IRAK2: variants seen among roughly 807,000 people sequenced by gnomAD.
IRAK2 encodes the protein interleukin 1 receptor associated kinase 2, also known as interleukin-1 receptor-associated kinase-like 2.
IRAK2 carries 57 observed loss-of-function variants against 72.0 expected under a neutral mutation model. The observed-to-expected ratio is 0.79, with a 90% CI of 0.64 to 0.99. The LOEUF (loss-of-function observed/expected upper bound fraction) is 0.99. Ranked by LOEUF, IRAK2 falls within the 50% of genes least tolerant of loss-of-function variation. The pLI is 0.00. For missense variants in IRAK2, 790 were observed against 794.4 expected (o/e 0.99, Z 0.07); for synonymous variants, 293 against 312.7 (o/e 0.94, Z 0.67).
At chr3:10,169,665 C>A (rs1300542678) in intron 1 of IRAK2, among the ~76,000 whole-genome samples, 1 of 152,146 alleles carries the variant, frequency 6.6e-6, no homozygotes, top group Non-Finnish European at 1.5e-5. Flanking sequence ...GCCCTGATTT[C>A]ATATTGTTTA....
chr3:10,230,959 GCCAGGC>G (rs1697851913), intron 10 of IRAK2, among the ~76,000 whole-genome samples: 1 of 151,712 alleles, frequency 6.6e-6, no homozygotes, highest in South Asian at 2.1e-4. Context: ...CACCATGTTG[GCCAGGC>G]TGGTCTTGAA....
At chr3:10,177,720 G>A in intron 1 of IRAK2, 118 bp from the exon 2 acceptor site, 1 of 951,856 alleles carries the variant, frequency 1.1e-6, no homozygotes, top group Non-Finnish European at 1.6e-6. Flanking sequence ...TGTTTCCAGT[G>A]TGGAGGCGGT....
At chr3:10,187,354 G>A (rs1697091974) in intron 2 of IRAK2, among the ~76,000 whole-genome samples, 1 of 152,190 alleles carries the variant, frequency 6.6e-6, no homozygotes, top group Non-Finnish European at 1.5e-5. Context: ...TGACCTCTGA[G>A]CCTCCAGGAA....
Position 10,209,622 on chromosome 3 carries a change from T to C in IRAK2, c.458T>C (p.Phe153Ser). 1 of 1,568,758 alleles carries C rather than the reference T, an allele frequency of 6.4e-7. No homozygotes were observed. The highest frequency in any genetic ancestry group is 8.6e-7 in the Non-Finnish European group (1 of 1,159,688). ...SSPARAHQPA[F>S]LQPPEEDAPH... ...CCAGCCAGAGCCCACCAGCCGGCCT[T>C]TCTCCAGCCTCCTGAAGAAGATGCC... is the stretch of plus-strand genomic sequence containing the variant. The change falls in exon 4 of 13, where the codon TTT becomes TCT. Residue 153 changes from phenylalanine (F) to serine (S), a missense_variant. Transcript: ENST00000256458.
intron 2 of IRAK2, among the ~76,000 whole-genome samples, chr3:10,191,361 G>A (rs1011701425): frequency 6.6e-6 from 1 of 152,086 alleles, no homozygotes; most frequent in South Asian, 2.1e-4. Flanking sequence ...GGAGGCAGGA[G>A]TATGAGACAG....
At chr3:10,202,965 C>T (rs149858020) in intron 3 of IRAK2, among the ~76,000 whole-genome samples, 6,998 of 151,968 alleles carry the variant, frequency 0.046, 357 homozygotes, top group African/African-American at 0.13. Context: ...GTTGGGATTA[C>T]AGGCATGAGC....
intron 1 of IRAK2, among the ~76,000 whole-genome samples, chr3:10,174,616 C>T (rs958896344): frequency 2.0e-5 from 3 of 152,170 alleles, no homozygotes; most frequent in African/African-American, 7.2e-5. Flanking sequence ...CCTCTGCCTC[C>T]CGGGTTCAAG....
At chr3:10,199,151 G>A (rs535318638) in intron 2 of IRAK2, among the ~76,000 whole-genome samples, 161 of 152,216 alleles carry the variant, frequency 1.1e-3, no homozygotes, top group African/African-American at 3.4e-3. Flanking sequence ...TGGCGGCAGG[G>A]CCCAGCCAGA....
chr3:10,171,914 C>T (rs1158102442), intron 1 of IRAK2, among the ~76,000 whole-genome samples: 2 of 151,694 alleles, frequency 1.3e-5, no homozygotes, highest in East Asian at 2.0e-4. Context: ...TACAGGCGCC[C>T]GCCACCACAC....
chr3:10,222,921 C>A, intron 9 of IRAK2, 90 bp downstream of exon 9: 1 of 1,187,466 alleles, frequency 8.4e-7, no homozygotes, highest in Non-Finnish European at 1.2e-6. Flanking sequence ...GGTAGAGGCA[C>A]ACAGACAGGT....
chr3:10,234,609 G>A lies in IRAK2; in HGVS notation c.1423G>A (p.Ala475Thr). The A allele has an allele frequency of 1.2e-6, 2 of 1,613,326 alleles. No homozygotes were observed. The highest frequency in any genetic ancestry group is 1.7e-6 in the Non-Finnish European group (2 of 1,179,904). ...TCCGGAGGACTGCGCCGAGGCCCTG[G>A]CCACGGCTGCCTGCCTGTGCCTGCG... Reference protein sequence around the residue: ...RLPEDCAEALATAACLCLRRR... With the variant: ...RLPEDCAEALTTAACLCLRRR... Residue 475 changes from alanine to threonine, a missense_variant, in exon 11 of 13, where the codon GCC becomes ACC. Transcript: ENST00000256458.
At chr3:10,225,417 T>C (rs900540969) in intron 9 of IRAK2, among the ~76,000 whole-genome samples, 5 of 152,208 alleles carry the variant, frequency 3.3e-5, no homozygotes, top group African/African-American at 1.2e-4. Flanking sequence ...TTAGCCATCA[T>C]AGCATTGTCT....
chr3:10,196,882 C>T (rs1201478673), intron 2 of IRAK2, among the ~76,000 whole-genome samples: 1 of 152,170 alleles, frequency 6.6e-6, no homozygotes, highest in Non-Finnish European at 1.5e-5. Flanking sequence ...AGGGCTGATT[C>T]ATCGTCTGCT....
At chr3:10,204,865 C>A (rs1476687808) in intron 3 of IRAK2, among the ~76,000 whole-genome samples, 2 of 152,062 alleles carry the variant, frequency 1.3e-5, no homozygotes, top group Non-Finnish European at 2.9e-5. Flanking sequence ...TTGATCTGAC[C>A]TCTGATTAGC....
chr3:10,237,795 G>C (rs764508318), intron 11 of IRAK2, among the ~76,000 whole-genome samples: 35 of 132,210 alleles, frequency 2.6e-4, no homozygotes, highest in Non-Finnish European at 3.7e-4. Flanking sequence ...GAAAGAGCGA[G>C]ACTCTGTCTC....
chr3:10,199,639 C>T (rs758365404), intron 2 of IRAK2, among the ~76,000 whole-genome samples: 4 of 152,166 alleles, frequency 2.6e-5, no homozygotes, highest in African/African-American at 7.2e-5. Context: ...GACCCGCTCA[C>T]GTGTTCAGGG....
Position 10,222,664 on chromosome 3 carries a change from AC to A in IRAK2, c.1047del (p.Lys350AsnfsTer20). The A allele has an allele frequency of 6.2e-7, 1 of 1,613,626 alleles. No homozygotes were observed. The highest frequency in any genetic ancestry group is 8.5e-7 in the Non-Finnish European group (1 of 1,179,906). Reference protein sequence around the residue: ...SSNVLLDQNLTPKLAHPMAHL... With the variant: ...SSNVLLDQNLXPKLAHPMAHL... ...TAATGTCTTGCTGGACCAAAATCTC[AC>A]CCCCAAACTTGCTCACCCAATGGCT... On this transcript the variant is annotated frameshift_variant, in exon 9 of 13. Coordinates refer to ENST00000256458, the MANE Select transcript of IRAK2 (RefSeq NM_001570.4). LOFTEE classifies it high-confidence loss of function.
chr3:10,242,214 C>T lies in IRAK2; in HGVS notation c.1864C>T (p.Leu622Phe). The change falls in exon 13 of 13, where the codon CTC becomes TTC. Residue 622 changes from leucine to phenylalanine, a missense_variant. Physicochemically the swap from Leu to Phe is conservative, Grantham distance 22. Coordinates refer to ENST00000256458, the MANE Select transcript of IRAK2 (RefSeq NM_001570.4). The part of the protein sequence containing the change: ...YKEEKVDSIE[L>F]FGP ...AGAGGAAAAAGTGGACAGCATTGAGCTCTTTGGCCCCTGATGACCGGAACA... is the reference window on the plus strand; with the variant it reads ...AGAGGAAAAAGTGGACAGCATTGAGTTCTTTGGCCCCTGATGACCGGAACA... The T allele has an allele frequency of 6.2e-7, 1 of 1,607,262 alleles. No individual in the cohort carries two copies. The highest frequency in any genetic ancestry group is 8.5e-7 in the Non-Finnish European group (1 of 1,174,298).
intron 2 of IRAK2, among the ~76,000 whole-genome samples, chr3:10,197,872 TAAAATATCA>T (rs1224378608): frequency 3.7e-5 from 5 of 134,798 alleles, no homozygotes; most frequent in Admixed American, 1.5e-4. Flanking sequence ...AAAAATTATT[TAAAATATCA>T]GTGACAGTAA....
Sources: gnomAD v4.1 joint callset for allele counts (sites outside exome capture counted in the v4.1 genomes callset) on GRCh38, gnomAD v4.1.1 for gene constraint, MANE v1.5 for transcripts, NCBI Gene and HGNC (gene_info 2026-07-23, HGNC 2026-07-21) for gene names.